ATG10: variants seen among roughly 807,000 people sequenced by gnomAD.
ATG10 encodes ubiquitin-like-conjugating enzyme ATG10.
Under a neutral mutation model 32.1 loss-of-function variants are expected in ATG10, and 30 were observed. That is an observed-to-expected ratio of 0.94 (90% CI 0.70 to 1.27). ATG10 has a LOEUF of 1.27. Among genes scored for constraint, ATG10 ranks in the 50% most tolerant of loss-of-function variants. The pLI is 0.00. For missense variants in ATG10, 233 were observed against 262.3 expected (o/e 0.89, Z 0.77); for synonymous variants, 87 against 91.5 (o/e 0.95, Z 0.28).
intron 2 of ATG10, among the ~76,000 whole-genome samples, chr5:82,038,267 A>T (rs1240821982): frequency 1.3e-5 from 2 of 152,242 alleles, no homozygotes; most frequent in African/African-American, 4.8e-5. Context: ...TCTTCTGAGG[A>T]GACTCATGAA....
At chr5:82,165,283 C>T (rs1171167587) in intron 4 of ATG10, among the ~76,000 whole-genome samples, 1 of 152,220 alleles carries the variant, frequency 6.6e-6, no homozygotes, top group African/African-American at 2.4e-5. Flanking sequence ...CCCTATTTCT[C>T]CTTTTGTATC....
chr5:82,199,369 A>T (rs1197017020), intron 5 of ATG10, among the ~76,000 whole-genome samples: 1 of 151,450 alleles, frequency 6.6e-6, no homozygotes, highest in Admixed American at 6.6e-5. Flanking sequence ...GTCTTTAGAG[A>T]TTGTCTCAAA....
chr5:82,001,704 A>G (rs1388669743), intron 2 of ATG10, among the ~76,000 whole-genome samples: 1 of 152,220 alleles, frequency 6.6e-6, no homozygotes, highest in Non-Finnish European at 1.5e-5. Context: ...AGCCTAGGAA[A>G]TATTATTTTG....
At chr5:82,169,320 GAA>G (rs34118832) in intron 4 of ATG10, among the ~76,000 whole-genome samples, 2 of 124,698 alleles carry the variant, frequency 1.6e-5, no homozygotes, top group East Asian at 2.3e-4. Context: ...GTGAAATTTG[GAA>G]AAAAAAAAAA....
intron 2 of ATG10, among the ~76,000 whole-genome samples, chr5:82,019,442 C>G (rs1762378520): frequency 6.6e-6 from 1 of 151,966 alleles, no homozygotes; most frequent in South Asian, 2.1e-4. Flanking sequence ...AAGCCTCAAG[C>G]TGAAGACAAA....
At chr5:82,169,645 T>A (rs1222201672) in intron 4 of ATG10, among the ~76,000 whole-genome samples, 1 of 152,178 alleles carries the variant, frequency 6.6e-6, no homozygotes, top group Non-Finnish European at 1.5e-5. Flanking sequence ...AGAAAGTTTG[T>A]GTATTTATAT....
At chr5:82,203,645 C>G (rs922317320) in intron 5 of ATG10, among the ~76,000 whole-genome samples, 1 of 151,958 alleles carries the variant, frequency 6.6e-6, no homozygotes, top group South Asian at 2.1e-4. Flanking sequence ...TGTCTGTAAG[C>G]CAGGGGAGTT....
intron 3 of ATG10, 98 bp downstream of exon 3, chr5:82,058,700 G>T: frequency 2.8e-6 from 2 of 718,392 alleles, no homozygotes; most frequent in Non-Finnish European, 2.4e-6. Context: ...TCCTATGGAA[G>T]CACCACAATT....
intron 5 of ATG10, among the ~76,000 whole-genome samples, chr5:82,249,076 T>G (rs1411793899): frequency 6.6e-6 from 1 of 152,178 alleles, no homozygotes; most frequent in Non-Finnish European, 1.5e-5. Context: ...TTTATTCTAT[T>G]AGAACATAAC....
At chr5:82,253,268 C>A in intron 6 of ATG10, 46 bp from the exon 7 acceptor site, 1 of 1,341,862 alleles carries the variant, frequency 7.5e-7, no homozygotes, top group Non-Finnish European at 1.1e-6. Flanking sequence ...CATCCAAAAA[C>A]TACAATGGAA....
At chr5:82,087,296 T>G (rs956278137) in intron 3 of ATG10, among the ~76,000 whole-genome samples, 2 of 152,110 alleles carry the variant, frequency 1.3e-5, no homozygotes, top group African/African-American at 4.8e-5. Flanking sequence ...ATATTTTGAG[T>G]GATGCAACTT....
At chr5:82,061,945 T>C (rs1439434640) in intron 3 of ATG10, among the ~76,000 whole-genome samples, 4 of 145,696 alleles carry the variant, frequency 2.7e-5, no homozygotes, top group Non-Finnish European at 6.0e-5. Context: ...TCCTCTCACC[T>C]CTGCCTCCCA....
At chr5:81,986,351 T>C (rs888826444) in intron 1 of ATG10, among the ~76,000 whole-genome samples, 5 of 152,364 alleles carry the variant, frequency 3.3e-5, no homozygotes, top group Middle Eastern at 3.4e-3. Flanking sequence ...TCGATTAATC[T>C]GGCAAGTTGG....
At chr5:82,194,945 G>T (rs772159439) in intron 5 of ATG10, among the ~76,000 whole-genome samples, 5 of 152,140 alleles carry the variant, frequency 3.3e-5, no homozygotes, top group African/African-American at 4.8e-5. Flanking sequence ...TAGCTAACTT[G>T]TACCTTTGAT....
chr5:81,975,805 T>TA (rs1419441353), intron 1 of ATG10, among the ~76,000 whole-genome samples: 1 of 152,060 alleles, frequency 6.6e-6, no homozygotes, highest in Non-Finnish European at 1.5e-5. Context: ...TTTTGTAGCT[T>TA]AGAGTTTTAA....
intron 5 of ATG10, among the ~76,000 whole-genome samples, chr5:82,217,036 C>G (rs1745710547): frequency 6.9e-6 from 1 of 144,656 alleles, no homozygotes; most frequent in Admixed American, 6.8e-5. Context: ...GCCTGGGTGA[C>G]AGAGTGAGAC....
intron 4 of ATG10, among the ~76,000 whole-genome samples, chr5:82,166,612 C>T (rs1295071896): frequency 6.7e-6 from 1 of 149,470 alleles, no homozygotes; most frequent in Non-Finnish European, 1.5e-5. Context: ...TTCATTTATT[C>T]CCCCCCCAGT....
At chr5:82,116,879 A>G (rs1036131441) in intron 3 of ATG10, among the ~76,000 whole-genome samples, 2 of 152,138 alleles carry the variant, frequency 1.3e-5, no homozygotes, top group South Asian at 2.1e-4. Flanking sequence ...TTCTTGGGCT[A>G]TTGGAATTTT....
intron 5 of ATG10, among the ~76,000 whole-genome samples, chr5:82,232,989 A>C (rs1447152945): frequency 6.6e-6 from 1 of 151,988 alleles, no homozygotes; most frequent in Non-Finnish European, 1.5e-5. Context: ...CTCCCTTCTA[A>C]TGGTCTTTAC....
Sources: gnomAD v4.1 joint callset for allele counts (sites outside exome capture counted in the v4.1 genomes callset) on GRCh38, gnomAD v4.1.1 for gene constraint, MANE v1.5 for transcripts, NCBI Gene and HGNC (gene_info 2026-07-23, HGNC 2026-07-21) for gene names.